DYNC1I1: variants seen among roughly 807,000 people sequenced by gnomAD.
DYNC1I1 encodes dynein cytoplasmic 1 intermediate chain 1.
DYNC1I1 carries 43 observed loss-of-function variants against 86.6 expected under a neutral mutation model. That is an observed-to-expected ratio of 0.50 (90% CI 0.39 to 0.64). The LOEUF (loss-of-function observed/expected upper bound fraction) is 0.64. DYNC1I1 is among the 30% of genes least tolerant of loss of function. The probability of loss-of-function intolerance (pLI) is 0.00; values close to 1 mark genes in which losing one functional copy is unlikely to be tolerated. For synonymous variants in DYNC1I1, 262 were observed against 283.7 expected (o/e 0.92, Z 0.77); for missense variants, 604 against 788.8 (o/e 0.77, Z 2.81).
intron 5 of DYNC1I1, among the ~76,000 whole-genome samples, chr7:95,853,841 A>G (rs1789644683): frequency 6.6e-6 from 1 of 152,176 alleles, no homozygotes; most frequent in Non-Finnish European, 1.5e-5. Context: ...AGGTCCATAT[A>G]CATTTATAAA....
intron 16 of DYNC1I1, among the ~76,000 whole-genome samples, chr7:96,082,859 T>A (rs1356790295): frequency 1.3e-5 from 2 of 152,216 alleles, no homozygotes; most frequent in African/African-American, 4.8e-5. Context: ...TTCTAAATTG[T>A]AAAGTGTTGT....
intron 6 of DYNC1I1, among the ~76,000 whole-genome samples, chr7:95,876,994 G>T (rs187507503): frequency 1.3e-5 from 2 of 152,204 alleles, no homozygotes; most frequent in Admixed American, 6.5e-5. Flanking sequence ...ATCACAACTT[G>T]GTAAAAACAG....
chr7:96,031,497 G>A (rs1018671818), intron 11 of DYNC1I1, among the ~76,000 whole-genome samples: 3 of 152,120 alleles, frequency 2.0e-5, no homozygotes, highest in Non-Finnish European at 4.4e-5. Flanking sequence ...AACTCCCCCA[G>A]GATACTACGA....
chr7:96,087,863 A>G (rs1228253114), intron 16 of DYNC1I1, among the ~76,000 whole-genome samples: 1 of 152,218 alleles, frequency 6.6e-6, no homozygotes, highest in African/African-American at 2.4e-5. Flanking sequence ...ATAATTATGT[A>G]AAATAAGCCA....
chr7:96,011,019 T>G (rs2115847397), intron 10 of DYNC1I1, among the ~76,000 whole-genome samples: 1 of 152,340 alleles, frequency 6.6e-6, no homozygotes, highest in South Asian at 2.1e-4. Flanking sequence ...GAATTCTTAT[T>G]GCCTTCCTGG....
At chr7:95,897,885 C>A (rs559187980) in intron 6 of DYNC1I1, among the ~76,000 whole-genome samples, 7 of 152,260 alleles carry the variant, frequency 4.6e-5, no homozygotes, top group Non-Finnish European at 1.0e-4. Context: ...GGCTCCTTAA[C>A]AAAGCTGGCA....
intron 10 of DYNC1I1, among the ~76,000 whole-genome samples, chr7:96,006,505 A>G (rs532568682): frequency 1.3e-5 from 2 of 152,284 alleles, no homozygotes; most frequent in East Asian, 3.9e-4. Context: ...CTGGATTATC[A>G]CTTCTCTATA....
chr7:95,848,282 A>T (rs1245043359), intron 5 of DYNC1I1, among the ~76,000 whole-genome samples: 1 of 147,948 alleles, frequency 6.8e-6, no homozygotes, highest in Non-Finnish European at 1.5e-5. Flanking sequence ...AAACATCTGT[A>T]TACTGTTATT....
chr7:96,086,020 C>G (rs1011307869), intron 16 of DYNC1I1, among the ~76,000 whole-genome samples: 5 of 152,080 alleles, frequency 3.3e-5, no homozygotes, highest in African/African-American at 1.2e-4. Context: ...GAAGAGCAAG[C>G]TTTTCTATGC....
At chr7:95,950,755 G>A (rs370931620) in intron 6 of DYNC1I1, among the ~76,000 whole-genome samples, 1 of 152,152 alleles carries the variant, frequency 6.6e-6, no homozygotes, top group Non-Finnish European at 1.5e-5. Flanking sequence ...CTCAGAAAAT[G>A]GAAGTGAAAA....
chr7:95,853,264 C>T (rs1789627955), intron 5 of DYNC1I1, among the ~76,000 whole-genome samples: 1 of 152,124 alleles, frequency 6.6e-6, no homozygotes, highest in Non-Finnish European at 1.5e-5. Context: ...GAGAGCCTTT[C>T]CTTCATGAAC....
At chr7:95,776,865 A>T (rs1021734723) in intron 1 of DYNC1I1, among the ~76,000 whole-genome samples, 5 of 152,334 alleles carry the variant, frequency 3.3e-5, no homozygotes, top group Admixed American at 3.3e-4. Context: ...GTGTTAGTTC[A>T]TTGAATCATC....
At chr7:95,815,112 C>G (rs946696960) in intron 4 of DYNC1I1, among the ~76,000 whole-genome samples, 4 of 152,202 alleles carry the variant, frequency 2.6e-5, no homozygotes, top group African/African-American at 9.6e-5. Flanking sequence ...TTACTGACTT[C>G]ACAGTTGAGG....
intron 1 of DYNC1I1, among the ~76,000 whole-genome samples, chr7:95,782,700 C>T (rs907938145): frequency 2.0e-5 from 3 of 152,180 alleles, no homozygotes; most frequent in African/African-American, 7.2e-5. Flanking sequence ...TACCTGCATA[C>T]TTGTCCGGCA....
intron 6 of DYNC1I1, among the ~76,000 whole-genome samples, chr7:95,905,547 C>G (rs1791153258): frequency 1.3e-5 from 2 of 152,166 alleles, no homozygotes; most frequent in South Asian, 4.1e-4. Context: ...TGCCCTTCTT[C>G]TTTCCTGACC....
intron 14 of DYNC1I1, among the ~76,000 whole-genome samples, chr7:96,066,337 C>T (rs1228537771): frequency 6.6e-6 from 1 of 152,242 alleles, no homozygotes; most frequent in African/African-American, 2.4e-5. Flanking sequence ...GTAACACCAA[C>T]ACACCACTAC....
chr7:95,836,303 T>C (rs1282839184), intron 5 of DYNC1I1, among the ~76,000 whole-genome samples: 1 of 152,154 alleles, frequency 6.6e-6, no homozygotes, highest in African/African-American at 2.4e-5. Flanking sequence ...GCCCCCACTC[T>C]CTTCTGTCTT....
chr7:95,858,284 G>C (rs755301052), intron 5 of DYNC1I1, among the ~76,000 whole-genome samples: 2 of 152,088 alleles, frequency 1.3e-5, no homozygotes, highest in African/African-American at 4.8e-5. Context: ...AGTGGATTTT[G>C]TATGCTTAGG....
chr7:96,034,896 G>A (rs1400055822), intron 12 of DYNC1I1, among the ~76,000 whole-genome samples: 1 of 152,132 alleles, frequency 6.6e-6, no homozygotes, highest in Non-Finnish European at 1.5e-5. Context: ...GCTATTTGAT[G>A]TAAATAGCCA....
Sources: allele counts gnomAD v4.1 joint callset (sites outside exome capture counted in the v4.1 genomes callset), GRCh38; gene constraint gnomAD v4.1.1; transcripts MANE v1.5; gene names NCBI Gene and HGNC (gene_info 2026-07-23, HGNC 2026-07-21).